Variants in PPM1F observed in about 807,000 individuals in gnomAD.
PPM1F encodes the protein protein phosphatase, Mg2+/Mn2+ dependent 1F.
A neutral mutation model predicts 35.5 loss-of-function variants in PPM1F; 17 were observed. That is an observed-to-expected ratio of 0.48 (90% confidence interval 0.33 to 0.72). PPM1F has a LOEUF of 0.72. Ranked by LOEUF, PPM1F falls within the 30% of genes least tolerant of loss-of-function variation. The probability of loss-of-function intolerance (pLI) is 0.02; values close to 1 mark genes in which losing one functional copy is unlikely to be tolerated. For synonymous variants in PPM1F, 241 were observed against 255.5 expected, an observed-to-expected ratio of 0.94 and a Z score of 0.54; for missense variants, 521 against 613.0, an observed-to-expected ratio of 0.85 and a Z score of 1.59.
At chr22:21,927,356 C>T (rs551519072) in intron 6 of PPM1F, among the ~76,000 whole-genome samples, 1 of 152,368 alleles carries the variant, frequency 6.6e-6, no homozygotes, top group South Asian at 2.1e-4. Flanking sequence ...GCAGAGGAAG[C>T]AGCGCCTCCT....
intron 7 of PPM1F, among the ~76,000 whole-genome samples, chr22:21,924,481 G>A (rs2070487101): frequency 6.6e-6 from 1 of 152,118 alleles, no homozygotes; most frequent in Non-Finnish European, 1.5e-5. Flanking sequence ...ATGTTGGTCA[G>A]GCTGGTCTCG....
In PPM1F at chr22:21,920,267, T is replaced by A. The variant is rs1261462862; in HGVS notation, c.*2825A>T. 4 of 152,658 alleles carry A rather than the reference T, an allele frequency of 2.6e-5. No homozygotes were observed. The highest frequency in any genetic ancestry group is 4.8e-5 in the African/African-American group (2 of 41,464). 9.5% of individuals were successfully genotyped at this position (152,658 alleles called of 1,614,324 possible). On this transcript the variant is annotated 3_prime_UTR_variant, in exon 8 of 8. Transcript: ENST00000263212. The stretch of plus-strand genomic sequence containing the variant: ...CACAGCGTTCTAGGAGGTCGCGGCC[T>A]CTGCAGACTCAGTGCAACCCCTGGG...
intron 6 of PPM1F, chr22:21,926,067 C>T (rs965412556): frequency 2.2e-5 from 4 of 179,654 alleles, no homozygotes; most frequent in African/African-American, 4.7e-5. Flanking sequence ...GAGCATGTGA[C>T]GTGAGTGGTC....
In PPM1F at chr22:21,933,416, A is replaced by G; in HGVS notation, c.722T>C (p.Met241Thr). The G allele has an allele frequency of 6.2e-7, 1 of 1,611,624 alleles. No individual in the cohort carries two copies. ...CTCTCGCTTGGCTTTCCTGAGAAAC[A>G]TCTGGTCGGTGCGCCGGAAGGCTTC... ...LREAFRRTDQ[M>T]FLRKAKRERL... The change falls in exon 5 of 8, where the codon ATG becomes ACG. Residue 241 changes from methionine to threonine, a missense_variant. Met to Thr is a moderately conservative substitution (Grantham distance 81). Coordinates refer to ENST00000263212, the MANE Select transcript of PPM1F (RefSeq NM_014634.4).
intron 1 of PPM1F, chr22:21,947,980 AC>A (rs905271376): frequency 3.3e-5 from 5 of 152,044 alleles, no homozygotes; most frequent in African/African-American, 1.2e-4. Context: ...AAAACACAAA[AC>A]CCTTCTCTTC....
chr22:21,943,712 G>A (rs968284884), intron 2 of PPM1F: 1 of 152,616 alleles, frequency 6.6e-6, no homozygotes, highest in African/African-American at 2.4e-5. Flanking sequence ...CCTTCCCTGG[G>A]ACCCTGCTCT....
chr22:21,943,909 T>A (rs1033576602), intron 2 of PPM1F: 3 of 152,440 alleles, frequency 2.0e-5, no homozygotes, highest in Admixed American at 2.0e-4. Flanking sequence ...CCCGGTCACC[T>A]CATGCTTGGG....
Position 21,931,433 on chromosome 22 carries a change from A to G in PPM1F, c.748-142T>C, listed in dbSNP as rs1234838755. The stretch of plus-strand genomic sequence containing the variant: ...CCACAGGTGTATATGTGTATAAGCC[A>G]AAACTTGCCAAATTGTGGACTTCAA... On this transcript the variant is annotated intron_variant, in intron 5 of 7. Transcript: ENST00000263212. 5.7e-6 allele frequency: 4 copies of G among 696,278 alleles called. No homozygotes were observed. The African/African-American group carries it at 7.2e-5, about 13-fold the overall frequency. The allele number at this position is 696,278 out of a possible 1,614,324, so 43.1% of individuals were successfully genotyped here.
intron 2 of PPM1F, among the ~76,000 whole-genome samples, chr22:21,940,028 T>C (rs1380362905): frequency 6.6e-6 from 1 of 152,142 alleles, no homozygotes; most frequent in Admixed American, 6.5e-5. Context: ...GGTTGAATTG[T>C]GTCCCCCCTA....
intron 1 of PPM1F, chr22:21,951,713 C>T (rs2070840883): frequency 6.6e-6 from 1 of 152,180 alleles, no homozygotes; most frequent in Non-Finnish European, 1.5e-5. Context: ...TTCAGAAATG[C>T]ATTCGTTTTG....
rs558870019 is a variant in PPM1F at position 21,942,677 on chromosome 22, C to T, written c.207-2997G>A. On this transcript the variant is annotated intron_variant, in intron 2 of 7. Coordinates refer to ENST00000263212, the MANE Select transcript of PPM1F (RefSeq NM_014634.4). Reference sequence around the variant, plus strand: ...GCTGCTGGGGCAGGGAGGCAGTTTCCGGCTGTGGGGACCCAGACAATGCCT... The same window carrying T: ...GCTGCTGGGGCAGGGAGGCAGTTTCTGGCTGTGGGGACCCAGACAATGCCT... The T allele has an allele frequency of 1.6e-3, 244 of 152,422 alleles. 1 individual carries two copies. The highest frequency in any genetic ancestry group is 4.4e-3 in the African/African-American group (182 of 41,592). 9.4% of individuals were successfully genotyped at this position (152,422 alleles called of 1,614,324 possible). A position where few individuals can be genotyped will look rare whatever the true frequency, so the allele number is the denominator to read the frequency against.
intron 3 of PPM1F, chr22:21,934,444 T>C (rs1429419442): frequency 5.4e-6 from 3 of 554,936 alleles, no homozygotes; most frequent in African/African-American, 3.8e-5. Flanking sequence ...CATCCCACCA[T>C]GGAGCAACTC....
chr22:21,929,017 G>A (rs530377774), intron 6 of PPM1F, among the ~76,000 whole-genome samples: 104 of 152,172 alleles, frequency 6.8e-4, no homozygotes, highest in Non-Finnish European at 1.0e-3. Context: ...TCAGACAGCC[G>A]CAGAACAAGG....
Position 21,938,502 on chromosome 22 carries a change from C to G in PPM1F, c.355+1030G>C, listed in dbSNP as rs1024679929. On this transcript the variant is annotated intron_variant, in intron 3 of 7. Coordinates refer to ENST00000263212, the MANE Select transcript of PPM1F (RefSeq NM_014634.4). Reference sequence around the variant, plus strand: ...ACTGATGCTGGCGGCCTCGGGTATTCGCTTTCTCTCTCTTCTCCCACCTTG... The same window carrying G: ...ACTGATGCTGGCGGCCTCGGGTATTGGCTTTCTCTCTCTTCTCCCACCTTG... 2.7e-6 allele frequency: 3 copies of G among 1,095,740 alleles called. No individual in the cohort carries two copies. The South Asian group carries it at 6.0e-5, about 22-fold the overall frequency. 67.9% of individuals were successfully genotyped at this position (1,095,740 alleles called of 1,614,324 possible).
At position 21,934,104 on chromosome 22, in the gene PPM1F, G is replaced by A; in HGVS notation, c.478C>T (p.His160Tyr). 6.4e-7 allele frequency: 1 copy of A among 1,564,124 alleles called. No homozygotes were observed. Among genetic ancestry groups the A allele is most frequent in the Non-Finnish European group, 8.7e-7 (1 of 1,154,542 alleles). The change falls in exon 4 of 8, where the codon CAC becomes TAC. Residue 160 changes from histidine (H) to tyrosine (Y), a missense_variant. His to Tyr is a moderately conservative substitution (Grantham distance 83). Coordinates refer to ENST00000263212, the MANE Select transcript of PPM1F (RefSeq NM_014634.4). ...TTGCGGCGAGTGTTCCGGATGGCGT[G>A]GATGGAGACCAGCCACTGCCGCTGT... ...ASQRQWLVSI[H>Y]AIRNTRRKME...
At chr22:21,948,139 T>C (rs576637265) in intron 1 of PPM1F, 6 of 152,266 alleles carry the variant, frequency 3.9e-5, no homozygotes, top group African/African-American at 1.2e-4. Context: ...GTAAATTTAA[T>C]GCAACCCAGG....
intron 6 of PPM1F, among the ~76,000 whole-genome samples, chr22:21,930,068 G>A (rs1422439371): frequency 6.6e-6 from 1 of 152,100 alleles, no homozygotes; most frequent in Non-Finnish European, 1.5e-5. Context: ...ACAGGCAAAG[G>A]AAAAAAACAG....
At chr22:21,925,818 C>T (rs528391569) in intron 6 of PPM1F, 156 bp from the exon 7 acceptor site, 258 of 525,662 alleles carry the variant, frequency 4.9e-4, no homozygotes, top group African/African-American at 3.3e-3. Context: ...TGCACCCAAA[C>T]GAGGCTCATC....
At chr22:21,925,415 C>A in intron 7 of PPM1F, 154 bp downstream of exon 7, 1 of 630,842 alleles carries the variant, frequency 1.6e-6, no homozygotes, top group Non-Finnish European at 2.9e-6. Flanking sequence ...TGCCCTGTTC[C>A]CTTCACACTA....
Sources: allele counts gnomAD v4.1 joint callset (sites outside exome capture counted in the v4.1 genomes callset), GRCh38; gene constraint gnomAD v4.1.1; transcripts MANE v1.5; gene names NCBI Gene and HGNC (gene_info 2026-07-23, HGNC 2026-07-21).